Variants in CRYBG1 observed in about 807,000 individuals in gnomAD.
CRYBG1 encodes beta/gamma crystallin domain-containing protein 1.
In CRYBG1, 139 loss-of-function variants were observed where a neutral mutation model predicts 189.2. The observed-to-expected ratio is 0.73, with a 90% CI of 0.64 to 0.85. CRYBG1 has a LOEUF of 0.85. Ranked by LOEUF, CRYBG1 falls within the 40% of genes least tolerant of loss-of-function variation. The pLI is 0.00. For synonymous variants in CRYBG1, 1,023 were observed against 1,017.1 expected (o/e 1.01, Z -0.11); for missense variants, 2,611 against 2,675.8 (o/e 0.98, Z 0.53).
At chr6:106,379,337 C>G (rs1023228577) in intron 1 of CRYBG1, among the ~76,000 whole-genome samples, 37 of 151,582 alleles carry the variant, frequency 2.4e-4, no homozygotes, top group African/African-American at 8.0e-4. Context: ...TCTTGGCTCA[C>G]AGCAATCTCT....
At chr6:106,401,254 A>G (rs1770713821) in intron 1 of CRYBG1, among the ~76,000 whole-genome samples, 1 of 152,176 alleles carries the variant, frequency 6.6e-6, no homozygotes. Flanking sequence ...GGACTGGTGA[A>G]TGCTTTGGAC....
chr6:106,557,697 T>C (rs564087441), intron 17 of CRYBG1, among the ~76,000 whole-genome samples: 2 of 151,890 alleles, frequency 1.3e-5, no homozygotes, highest in Non-Finnish European at 2.9e-5. Context: ...CCTCCCAAAG[T>C]GCTGGGATGA....
At chr6:106,447,573 T>C (rs1771690092) in intron 1 of CRYBG1, among the ~76,000 whole-genome samples, 2 of 143,338 alleles carry the variant, frequency 1.4e-5, no homozygotes, top group Admixed American at 7.1e-5. Context: ...TATATATATA[T>C]CTACTATGTA....
chr6:106,439,334 T>C (rs1315742866), intron 1 of CRYBG1, among the ~76,000 whole-genome samples: 1 of 152,202 alleles, frequency 6.6e-6, no homozygotes, highest in Non-Finnish European at 1.5e-5. Flanking sequence ...CATCTTTATA[T>C]GTCCTACCAT....
At chr6:106,501,134 T>TA (rs1471057239) in intron 2 of CRYBG1, among the ~76,000 whole-genome samples, 1 of 152,216 alleles carries the variant, frequency 6.6e-6, no homozygotes, top group Non-Finnish European at 1.5e-5. Flanking sequence ...TTATGTTCTG[T>TA]AAGCAGACAC....
chr6:106,458,771 T>C (rs1582774439), intron 2 of CRYBG1, among the ~76,000 whole-genome samples: 1 of 152,276 alleles, frequency 6.6e-6, no homozygotes, highest in East Asian at 1.9e-4. Context: ...CAGAGCATGA[T>C]ACCACCCTTC....
intron 1 of CRYBG1, among the ~76,000 whole-genome samples, chr6:106,377,688 C>T (rs926548387): frequency 6.7e-6 from 1 of 149,512 alleles, no homozygotes; most frequent in African/African-American, 2.5e-5. Flanking sequence ...TAAATTTTGT[C>T]TATTTTTAAC....
Position 106,568,531 on chromosome 6 carries a change from AC to A in CRYBG1, c.6362del (p.Thr2121AsnfsTer49), listed in dbSNP as rs1774961864. 1 of 1,613,850 alleles carries A rather than the reference AC, an allele frequency of 6.2e-7. No individual in the cohort carries two copies. The highest frequency in any genetic ancestry group is 1.3e-5 in the African/African-American group (1 of 74,934). The part of the protein sequence containing the change: ...ILNTVSKEKF[T>X]QVWEAMVLYT ...CAACACTGTCAGCAAAGAGAAGTTTACACAAGTGTGGGAAGCCATGGTCCTA... is the reference window on the plus strand; with the variant it reads ...CAACACTGTCAGCAAAGAGAAGTTTAACAAGTGTGGGAAGCCATGGTCCTA... On this transcript the variant is annotated frameshift_variant, in exon 22 of 22. Transcript: ENST00000633556. LOFTEE classifies it high-confidence loss of function.
chr6:106,455,490 TAA>T (rs34376532), intron 2 of CRYBG1, among the ~76,000 whole-genome samples: 1 of 144,940 alleles, frequency 6.9e-6, no homozygotes. Flanking sequence ...AGTGTTTCTT[TAA>T]AAAAAAAAAG....
At chr6:106,380,800 A>C (rs191115349) in intron 1 of CRYBG1, among the ~76,000 whole-genome samples, 4 of 152,306 alleles carry the variant, frequency 2.6e-5, no homozygotes, top group African/African-American at 9.6e-5. Context: ...AAAGTTTGTC[A>C]TGTAAGTACA....
intron 1 of CRYBG1, among the ~76,000 whole-genome samples, chr6:106,377,836 A>C (rs895887312): frequency 6.6e-6 from 1 of 152,116 alleles, no homozygotes; most frequent in Non-Finnish European, 1.5e-5. Flanking sequence ...CAAAATTTCC[A>C]TCATTTACCA....
chr6:106,463,282 G>A lies in CRYBG1; in HGVS notation c.312+11450G>A, dbSNP rs535043127. Among the ~76,000 whole-genome samples the A allele has an allele frequency of 2.6e-5, 4 of 151,908 alleles. No individual in the cohort carries two copies. In the South Asian group the frequency reaches 8.3e-4, roughly 32 times the overall value. On this transcript the variant is annotated intron_variant, in intron 2 of 21. Transcript: ENST00000633556. ...AACTTCTGTCCTACTTTGTAAAGTGGGAGGTGGCCATCACCACCAGCCTGA... is the reference window on the plus strand; with the variant it reads ...AACTTCTGTCCTACTTTGTAAAGTGAGAGGTGGCCATCACCACCAGCCTGA...
At chr6:106,481,251 G>T (rs1413073460) in intron 2 of CRYBG1, among the ~76,000 whole-genome samples, 1 of 58,698 alleles carries the variant, frequency 1.7e-5, no homozygotes, top group African/African-American at 9.1e-5. Flanking sequence ...TGGGATTACA[G>T]GCGTGAGCCA....
chr6:106,378,529 C>T (rs977722005), intron 1 of CRYBG1, among the ~76,000 whole-genome samples: 12 of 152,332 alleles, frequency 7.9e-5, no homozygotes, highest in Admixed American at 7.8e-4. Context: ...GCTGCTGCTA[C>T]CAGGTTGCCC....
intron 3 of CRYBG1, among the ~76,000 whole-genome samples, chr6:106,518,875 C>A (rs1404171540): frequency 6.6e-6 from 1 of 152,020 alleles, no homozygotes; most frequent in East Asian, 1.9e-4. Context: ...AGGAGGATTG[C>A]CTGAGCCCAG....
chr6:106,527,206 C>T, intron 6 of CRYBG1, 99 bp from the exon 7 acceptor site: 1 of 903,662 alleles, frequency 1.1e-6, no homozygotes, highest in Non-Finnish European at 1.6e-6. Context: ...TGCTAATATT[C>T]TATATATATA....
At chr6:106,430,348 C>T (rs2114402640) in intron 1 of CRYBG1, among the ~76,000 whole-genome samples, 1 of 152,128 alleles carries the variant, frequency 6.6e-6, no homozygotes, top group South Asian at 2.1e-4. Flanking sequence ...CTGCAGTAAG[C>T]CATGATGGTG....
intron 17 of CRYBG1, among the ~76,000 whole-genome samples, chr6:106,556,630 T>A (rs1562118360): frequency 6.6e-6 from 1 of 152,216 alleles, no homozygotes; most frequent in Non-Finnish European, 1.5e-5. Context: ...AACTGCAAGA[T>A]CATGTTGAGA....
intron 1 of CRYBG1, among the ~76,000 whole-genome samples, chr6:106,375,337 G>A (rs1259947595): frequency 6.6e-6 from 1 of 152,114 alleles, no homozygotes; most frequent in Non-Finnish European, 1.5e-5. Context: ...AGTGAGCTGT[G>A]ATTAAGCCAC....
Sources: gnomAD v4.1 joint callset for allele counts (sites outside exome capture counted in the v4.1 genomes callset) on GRCh38, gnomAD v4.1.1 for gene constraint, MANE v1.5 for transcripts, NCBI Gene and HGNC (gene_info 2026-07-23, HGNC 2026-07-21) for gene names.